INSL6: variants seen among roughly 807,000 people sequenced by gnomAD.
INSL6 encodes insulin like 6, also known as insulin-like peptide INSL6.
Under a neutral mutation model 9.4 loss-of-function variants are expected in INSL6, and 16 were observed. The ratio of observed to expected loss-of-function variants is 1.70; its 90% CI spans 1.15 to 2.59. The LOEUF (loss-of-function observed/expected upper bound fraction) is 2.59. Ranked by LOEUF, INSL6 falls within the 30% of genes most tolerant of loss-of-function variation. INSL6 has a pLI of 0.00. For missense variants in INSL6, 391 were observed against 257.3 expected, an observed-to-expected ratio of 1.52 and a Z score of -3.56; for synonymous variants, 154 against 96.9, an observed-to-expected ratio of 1.59 and a Z score of -3.46.
At chr9:5,075,744 T>G in the INSL6 span, among the ~76,000 whole-genome samples, 1 of 152,186 alleles carries the variant, frequency 6.6e-6, no homozygotes, top group African/African-American at 2.4e-5. Context: ...CTGTAGCCCA[T>G]GGATCAAGGA....
At chr9:5,027,495 G>C in the INSL6 span, among the ~76,000 whole-genome samples, 3 of 152,320 alleles carry the variant, frequency 2.0e-5, no homozygotes, top group East Asian at 3.9e-4. Context: ...TGACTGACCA[G>C]GGTGGTGGCT....
At chr9:4,999,077 G>A in the INSL6 span, among the ~76,000 whole-genome samples, 9 of 151,880 alleles carry the variant, frequency 5.9e-5, no homozygotes, top group African/African-American at 2.2e-4. Context: ...CACCTGCCTC[G>A]GCCTCCCAAA....
chr9:5,007,193 T>G, the INSL6 span, among the ~76,000 whole-genome samples: 336 of 152,284 alleles, frequency 2.2e-3, 1 homozygote, highest in African/African-American at 7.5e-3. Flanking sequence ...AATGAAAATT[T>G]ATTTAATAAC....
chr9:4,997,882 T>C, the INSL6 span, among the ~76,000 whole-genome samples: 1 of 152,224 alleles, frequency 6.6e-6, no homozygotes, highest in South Asian at 2.1e-4. Flanking sequence ...TGTTTATGTA[T>C]TTCTTATTGT....
chr9:5,053,993 A>G, the INSL6 span, among the ~76,000 whole-genome samples: 1 of 152,118 alleles, frequency 6.6e-6, no homozygotes, highest in Non-Finnish European at 1.5e-5. Context: ...TATTGTACAT[A>G]GAGATGAATG....
the INSL6 span, among the ~76,000 whole-genome samples, chr9:5,017,578 TG>T: frequency 4.6e-5 from 7 of 152,220 alleles, no homozygotes; most frequent in African/African-American, 1.7e-4. Flanking sequence ...AATGTAATGT[TG>T]TTTGACATCT....
At chr9:5,047,048 T>C in the INSL6 span, among the ~76,000 whole-genome samples, 2 of 152,216 alleles carry the variant, frequency 1.3e-5, no homozygotes, top group Admixed American at 1.3e-4. Flanking sequence ...TTATCTAGCA[T>C]GGCAAGGTAA....
At chr9:5,021,954 C>A in the INSL6 span, 1 of 1,515,680 alleles carries the variant, frequency 6.6e-7, no homozygotes, top group Non-Finnish European at 9.2e-7. Context: ...TTATTGTTTT[C>A]TCTTACAGGC....
chr9:5,062,851 A>G, the INSL6 span, among the ~76,000 whole-genome samples: 4 of 152,146 alleles, frequency 2.6e-5, no homozygotes, highest in Non-Finnish European at 5.9e-5. Context: ...TTTATAGGTC[A>G]GCTTTAATAT....
chr9:5,050,609 G>A, the INSL6 span: 894 of 1,408,722 alleles, frequency 6.3e-4, no homozygotes, highest in Middle Eastern at 6.0e-3. Flanking sequence ...TGAAAATTAT[G>A]ATTAAAATAT....
chr9:5,079,810 C>A, the INSL6 span, among the ~76,000 whole-genome samples: 1 of 151,796 alleles, frequency 6.6e-6, no homozygotes, highest in South Asian at 2.1e-4. Flanking sequence ...CACAGTGACA[C>A]CCTGTCTCAA....
At chr9:5,093,968 C>A in the INSL6 span, among the ~76,000 whole-genome samples, 1 of 152,146 alleles carries the variant, frequency 6.6e-6, no homozygotes, top group African/African-American at 2.4e-5. Flanking sequence ...GCCCTCCCCC[C>A]ATAAATGATG....
At chr9:5,068,476 T>C in the INSL6 span, among the ~76,000 whole-genome samples, 2 of 152,180 alleles carry the variant, frequency 1.3e-5, no homozygotes, top group Non-Finnish European at 1.5e-5. Flanking sequence ...TTAGAAACAG[T>C]GGTACTTGAA....
intron 2 of INSL6, among the ~76,000 whole-genome samples, chr9:5,146,009 G>A (rs758338084): frequency 1.3e-5 from 2 of 152,094 alleles, no homozygotes; most frequent in South Asian, 2.1e-4. Flanking sequence ...GTGGTCATTT[G>A]GAGGAAAGAA....
chr9:5,088,745 C>T, the INSL6 span, among the ~76,000 whole-genome samples: 4 of 152,166 alleles, frequency 2.6e-5, no homozygotes, highest in African/African-American at 4.8e-5. Flanking sequence ...TTGCAGATGG[C>T]CATCTTCTTG....
At chr9:5,116,879 G>A in the INSL6 span, among the ~76,000 whole-genome samples, 4 of 152,200 alleles carry the variant, frequency 2.6e-5, no homozygotes, top group Non-Finnish European at 5.9e-5. Context: ...TGCAATAAGT[G>A]TAAGTGCAAT....
At chr9:5,119,620 C>G (rs908582134), downstream of INSL6, among the ~76,000 whole-genome samples, 1 of 151,924 alleles carries the variant, frequency 6.6e-6, no homozygotes, top group African/African-American at 2.4e-5. Flanking sequence ...TAAAATATGG[C>G]TAAGATTATA....
the INSL6 span, chr9:5,098,263 C>G: frequency 3.5e-4 from 54 of 152,258 alleles, no homozygotes; most frequent in African/African-American, 1.3e-3. Context: ...ACCTCTGTGA[C>G]TTTCTCGATA....
the INSL6 span, among the ~76,000 whole-genome samples, chr9:5,043,465 T>C: frequency 3.9e-5 from 6 of 152,272 alleles, no homozygotes; most frequent in East Asian, 1.2e-3. Flanking sequence ...TGTTAGAGAA[T>C]TTGGACTAAT....
Sources: allele counts gnomAD v4.1 joint callset (sites outside exome capture counted in the v4.1 genomes callset), GRCh38; gene constraint gnomAD v4.1.1; transcripts MANE v1.5; gene names NCBI Gene and HGNC (gene_info 2026-07-23, HGNC 2026-07-21).